CCNY: variants seen among roughly 807,000 people sequenced by gnomAD.
The protein encoded by CCNY is cyclin-Y.
In CCNY, 19 loss-of-function variants were observed where a neutral mutation model predicts 42.8. The observed-to-expected ratio is 0.44, with a 90% confidence interval of 0.31 to 0.65. The LOEUF (loss-of-function observed/expected upper bound fraction) is 0.65, where lower values mean the gene tolerates loss of function less well. Ranked by LOEUF, CCNY falls within the 30% of genes least tolerant of loss-of-function variation. The probability of loss-of-function intolerance (pLI) is 0.07; values close to 1 mark genes in which losing one functional copy is unlikely to be tolerated. For missense variants in CCNY, 370 were observed against 437.3 expected, an observed-to-expected ratio of 0.85 and a Z score of 1.37; for synonymous variants, 165 against 162.7, an observed-to-expected ratio of 1.01 and a Z score of -0.11.
intron 1 of CCNY, among the ~76,000 whole-genome samples, chr10:35,354,426 CT>C (rs1287831963): frequency 3.3e-5 from 5 of 152,144 alleles, no homozygotes; most frequent in Non-Finnish European, 7.4e-5. Flanking sequence ...CTCAAGTGAT[CT>C]GTCCGTCTTG....
chr10:35,504,811 A>G (rs1037882262), intron 3 of CCNY, among the ~76,000 whole-genome samples: 4 of 151,962 alleles, frequency 2.6e-5, no homozygotes, highest in Non-Finnish European at 5.9e-5. Context: ...TAATTTTTGT[A>G]TTTTTAGTAG....
intron 1 of CCNY, among the ~76,000 whole-genome samples, chr10:35,393,609 C>G (rs1837460784): frequency 6.6e-6 from 1 of 152,198 alleles, no homozygotes; most frequent in South Asian, 2.1e-4. Flanking sequence ...TACATCTTTT[C>G]CCTTCTCTGG....
chr10:35,315,222 T>C (rs1361959694), intron 3 of CCNY: 1 of 152,232 alleles, frequency 6.6e-6, no homozygotes, highest in Non-Finnish European at 1.5e-5. Context: ...TAAGCTACCA[T>C]AGTACCTGGT....
At chr10:35,410,256 C>T (rs942111881) in intron 1 of CCNY, among the ~76,000 whole-genome samples, 7 of 151,948 alleles carry the variant, frequency 4.6e-5, no homozygotes, top group South Asian at 2.1e-4. Flanking sequence ...CAAACAGCAC[C>T]GAGAAAGAGA....
At chr10:35,343,382 CTTTTTTTTTTTTT>C (rs9299720) in intron 1 of CCNY, among the ~76,000 whole-genome samples, 9 of 85,902 alleles carry the variant, frequency 1.0e-4, no homozygotes, top group South Asian at 8.8e-4. Context: ...AGCTGATGGT[CTTTTTTTTTTTTT>C]TTTTTTTTTT....
chr10:35,507,187 C>T (rs1304207597), intron 3 of CCNY, among the ~76,000 whole-genome samples: 4 of 152,186 alleles, frequency 2.6e-5, no homozygotes, highest in Non-Finnish European at 4.4e-5. Context: ...GGAACTTTGT[C>T]AGAAAAGCCC....
chr10:35,342,453 T>G (rs1021033382), intron 1 of CCNY, among the ~76,000 whole-genome samples: 1 of 152,200 alleles, frequency 6.6e-6, no homozygotes, highest in Non-Finnish European at 1.5e-5. Context: ...TTTAAAGATT[T>G]GTCAAGAGAG....
intron 3 of CCNY, among the ~76,000 whole-genome samples, chr10:35,315,581 CATGT>C (rs1835750616): frequency 6.6e-6 from 1 of 152,178 alleles, no homozygotes; most frequent in African/African-American, 2.4e-5. Context: ...CAATCACATG[CATGT>C]GTCTTTAAGG....
chr10:35,456,026 T>G (rs540297943), intron 1 of CCNY, among the ~76,000 whole-genome samples: 1 of 152,202 alleles, frequency 6.6e-6, no homozygotes, highest in East Asian at 1.9e-4. Flanking sequence ...ATAGTCAACT[T>G]TAGGTACCTT....
At chr10:35,446,152 C>A (rs1838785396) in intron 1 of CCNY, among the ~76,000 whole-genome samples, 1 of 152,174 alleles carries the variant, frequency 6.6e-6, no homozygotes, top group African/African-American at 2.4e-5. Flanking sequence ...ATTGTTCTTT[C>A]AGATTTTGGT....
chr10:35,506,569 C>T (rs1306833820), intron 3 of CCNY, among the ~76,000 whole-genome samples: 1 of 152,282 alleles, frequency 6.6e-6, no homozygotes, highest in East Asian at 1.9e-4. Flanking sequence ...ACCCCTTCTT[C>T]CCTTTCTTCA....
At chr10:35,496,746 G>T (rs1840011719) in intron 2 of CCNY, among the ~76,000 whole-genome samples, 1 of 152,210 alleles carries the variant, frequency 6.6e-6, no homozygotes, top group Non-Finnish European at 1.5e-5. Flanking sequence ...GGAATCAGCT[G>T]AAATGGTGTT....
intron 1 of CCNY, among the ~76,000 whole-genome samples, chr10:35,247,647 C>T (rs1420262609): frequency 6.6e-5 from 10 of 151,052 alleles, no homozygotes; most frequent in South Asian, 2.1e-4. Context: ...GAGGCTGAGG[C>T]GGGCGGATCA....
intron 3 of CCNY, among the ~76,000 whole-genome samples, chr10:35,282,492 C>T (rs1019019488): frequency 1.3e-5 from 2 of 151,906 alleles, no homozygotes; most frequent in African/African-American, 4.8e-5. Context: ...CTTTGGGAGG[C>T]TGAGTCAGGC....
At chr10:35,272,628 C>T (rs1589010711) in intron 3 of CCNY, among the ~76,000 whole-genome samples, 1 of 152,192 alleles carries the variant, frequency 6.6e-6, no homozygotes, top group Admixed American at 6.5e-5. Flanking sequence ...GCATAGTATT[C>T]CATGGTGTAT....
At chr10:35,313,294 A>G (rs770081787) in intron 3 of CCNY, among the ~76,000 whole-genome samples, 59 of 152,244 alleles carry the variant, frequency 3.9e-4, no homozygotes, top group Non-Finnish European at 3.8e-4. Context: ...CATTTTCACA[A>G]ATTTCTTTAC....
At chr10:35,542,517 T>C (rs891912443) in intron 7 of CCNY, among the ~76,000 whole-genome samples, 5 of 152,188 alleles carry the variant, frequency 3.3e-5, no homozygotes, top group African/African-American at 1.2e-4. Context: ...CAGGCAGTTG[T>C]GTTCCACCTC....
chr10:35,337,021 A>AG lies in CCNY; in HGVS notation c.-31dup. ...CCCCGCTCCCGGGGACTGGGAGAAC[A>AG]GGATAGCAGCAGGAGTCGGGGGGCC... On this transcript the variant is annotated 5_prime_UTR_variant, in exon 1 of 10. Transcript: ENST00000374704. 1 of 1,452,542 alleles carries AG rather than the reference A, an allele frequency of 6.9e-7. No homozygotes were observed. 90.0% of individuals were successfully genotyped at this position (1,452,542 alleles called of 1,614,324 possible).
rs1218111060 is a variant in CCNY at position 35,571,869 on chromosome 10, C to G, written c.*2699C>G. 1 of 152,150 alleles carries G rather than the reference C, an allele frequency of 6.6e-6. No homozygotes were observed. Among genetic ancestry groups the G allele is most frequent in the African/African-American group, 2.4e-5 (1 of 41,368 alleles). 9.4% of individuals were successfully genotyped at this position (152,150 alleles called of 1,614,324 possible). On this transcript the variant is annotated 3_prime_UTR_variant, in exon 10 of 10. Transcript: ENST00000374704. ...ATGAAGGAAACGACACAATTTGTTA[C>G]TTTAATTTTATATTTGATTTAAACA...
Sources: gnomAD v4.1 joint callset for allele counts (sites outside exome capture counted in the v4.1 genomes callset) on GRCh38, gnomAD v4.1.1 for gene constraint, MANE v1.5 for transcripts, NCBI Gene and HGNC (gene_info 2026-07-23, HGNC 2026-07-21) for gene names.